The following TEX9 variants were observed in gnomAD, a reference collection of about 807,000 sequenced individuals.
The protein encoded by TEX9 is testis-expressed protein 9.
TEX9 carries 74 observed loss-of-function variants against 59.6 expected under a neutral mutation model. The ratio of observed to expected loss-of-function variants is 1.24; its 90% CI spans 1.03 to 1.51. TEX9 has a LOEUF of 1.51. Among genes scored for constraint, TEX9 ranks in the 40% most tolerant of loss-of-function variants. The probability of loss-of-function intolerance (pLI) is 0.00; values close to 1 mark genes in which losing one functional copy is unlikely to be tolerated. For missense variants in TEX9, 522 were observed against 447.8 expected, an observed-to-expected ratio of 1.17 and a Z score of -1.49; for synonymous variants, 186 against 152.2, an observed-to-expected ratio of 1.22 and a Z score of -1.64.
intron 1 of TEX9, among the ~76,000 whole-genome samples, chr15:56,249,759 A>G (rs1006023126): frequency 9.9e-5 from 15 of 150,944 alleles, no homozygotes; most frequent in Non-Finnish European, 1.5e-4. Flanking sequence ...AAAAAAAAAA[A>G]AAAAAAAAAG....
chr15:56,351,145 C>T (rs1036436865), intron 1 of TEX9, among the ~76,000 whole-genome samples: 8 of 152,120 alleles, frequency 5.3e-5, no homozygotes, highest in African/African-American at 1.7e-4. Context: ...AGTCTTACCC[C>T]GATTTTGTGT....
intron 2 of TEX9, among the ~76,000 whole-genome samples, chr15:56,371,215 CCTGT>C (rs2142008324): frequency 6.6e-6 from 1 of 152,170 alleles, no homozygotes; most frequent in Admixed American, 6.5e-5. Flanking sequence ...TGGATGTTAA[CCTGT>C]CTTTTGTGTT....
chr15:56,444,565 G>C, intron 12 of TEX9: 1 of 1,612,750 alleles, frequency 6.2e-7, no homozygotes, highest in Non-Finnish European at 8.5e-7. Flanking sequence ...TCTAAGTCAA[G>C]ATAGTACTGT....
chr15:56,375,840 G>A (rs1297233088), intron 3 of TEX9, among the ~76,000 whole-genome samples: 1 of 150,906 alleles, frequency 6.6e-6, no homozygotes, highest in Non-Finnish European at 1.5e-5. Context: ...AACAATGATA[G>A]ACTGGATTAA....
intron 7 of TEX9, among the ~76,000 whole-genome samples, chr15:56,393,274 G>T (rs1267020561): frequency 2.0e-5 from 3 of 152,098 alleles, no homozygotes; most frequent in South Asian, 4.1e-4. Flanking sequence ...TGAGAGGCTG[G>T]TAGGAGAGTT....
chr15:56,315,339 A>T (rs62046707), intron 1 of TEX9, among the ~76,000 whole-genome samples: 3 of 143,294 alleles, frequency 2.1e-5, no homozygotes, highest in Non-Finnish European at 3.1e-5. Flanking sequence ...CTTGTAAGGC[A>T]GGCCTGGTGG....
downstream of TEX9, among the ~76,000 whole-genome samples, chr15:56,448,715 T>C (rs2050925845): frequency 6.6e-6 from 1 of 152,096 alleles, no homozygotes; most frequent in African/African-American, 2.4e-5. Context: ...TATGCTTTTT[T>C]TGGTAGAATG....
intron 1 of TEX9, among the ~76,000 whole-genome samples, chr15:56,347,204 G>A (rs1305442268): frequency 6.6e-6 from 1 of 152,120 alleles, no homozygotes; most frequent in Non-Finnish European, 1.5e-5. Flanking sequence ...ATCCCAGCAA[G>A]TTGTTTTGTG....
At chr15:56,334,150 CA>C (rs1242538803) in intron 1 of TEX9, among the ~76,000 whole-genome samples, 2 of 151,600 alleles carry the variant, frequency 1.3e-5, no homozygotes, top group Non-Finnish European at 2.9e-5. Context: ...TTCACAGAAA[CA>C]AAAAAAATCC....
chr15:56,438,061 A>G (rs1259147484), intron 12 of TEX9, among the ~76,000 whole-genome samples: 2 of 152,218 alleles, frequency 1.3e-5, no homozygotes, highest in African/African-American at 4.8e-5. Flanking sequence ...TACAGATTCA[A>G]TGCCATCCAC....
intron 2 of TEX9, among the ~76,000 whole-genome samples, chr15:56,371,443 T>C (rs1734707171): frequency 6.7e-6 from 1 of 148,952 alleles, no homozygotes; most frequent in South Asian, 2.3e-4. Flanking sequence ...GGCTCTTGCC[T>C]AATGTTTTTC....
chr15:56,351,749 A>G (rs1191674091), intron 1 of TEX9, among the ~76,000 whole-genome samples: 1 of 152,244 alleles, frequency 6.6e-6, no homozygotes, highest in Non-Finnish European at 1.5e-5. Context: ...CATTTTCAAT[A>G]TAGGCACAAA....
chr15:56,378,158 G>A (rs1478618801), intron 3 of TEX9, among the ~76,000 whole-genome samples: 10 of 152,000 alleles, frequency 6.6e-5, no homozygotes, highest in Non-Finnish European at 1.2e-4. Context: ...ATCAATATTC[G>A]TTAGAGATAT....
intron 9 of TEX9, among the ~76,000 whole-genome samples, chr15:56,404,333 A>C (rs2048960547): frequency 6.6e-6 from 1 of 152,242 alleles, no homozygotes; most frequent in African/African-American, 2.4e-5. Context: ...GGATATGAAC[A>C]GACGCTTCTC....
chr15:56,346,449 T>G (rs1337495237), intron 1 of TEX9, among the ~76,000 whole-genome samples: 4 of 152,184 alleles, frequency 2.6e-5, no homozygotes. Context: ...CTCCAAATCT[T>G]TTAAATGAGT....
At chr15:56,255,292 G>A (rs564230164) in intron 1 of TEX9, among the ~76,000 whole-genome samples, 25 of 152,214 alleles carry the variant, frequency 1.6e-4, no homozygotes, top group Admixed American at 1.3e-4. Context: ...GCAACATAAA[G>A]ATGGCAGGGA....
chr15:56,413,212 A>C (rs985991397), intron 10 of TEX9, among the ~76,000 whole-genome samples: 63 of 146,686 alleles, frequency 4.3e-4, no homozygotes, highest in African/African-American at 6.9e-4. Context: ...ATATTTAATA[A>C]TTAAATAATT....
chr15:56,433,404 G>A (rs978240253), intron 12 of TEX9, among the ~76,000 whole-genome samples: 1 of 94,430 alleles, frequency 1.1e-5, no homozygotes. Flanking sequence ...TTCTGCACAT[G>A]CATCCTGGAA....
At chr15:56,431,646 T>A (rs867996827) in intron 12 of TEX9, 14 of 559,796 alleles carry the variant, frequency 2.5e-5, no homozygotes, top group Non-Finnish European at 3.6e-5. Flanking sequence ...TATATATTTT[T>A]AAAATATATA....
Sources: allele counts gnomAD v4.1 joint callset (sites outside exome capture counted in the v4.1 genomes callset), GRCh38; gene constraint gnomAD v4.1.1; transcripts MANE v1.5; gene names NCBI Gene and HGNC (gene_info 2026-07-23, HGNC 2026-07-21).